KRT19: variants seen among roughly 807,000 people sequenced by gnomAD.
The protein encoded by KRT19 is keratin 19, also known as keratin, type I cytoskeletal 19.
Under a neutral mutation model 34.6 loss-of-function variants are expected in KRT19, and 21 were observed. The observed-to-expected ratio is 0.61, with a 90% CI of 0.43 to 0.87. The LOEUF (loss-of-function observed/expected upper bound fraction) is 0.87. KRT19 is among the 40% of genes least tolerant of loss of function. The probability of loss-of-function intolerance (pLI) is 0.00; values close to 1 mark genes in which losing one functional copy is unlikely to be tolerated. For synonymous variants in KRT19, 240 were observed against 245.8 expected (o/e 0.98, Z 0.22); for missense variants, 514 against 545.7 (o/e 0.94, Z 0.58).
Position 41,523,675 on chromosome 17 carries a change from C to T in KRT19, c.*68G>A. The T allele has an allele frequency of 6.6e-7, 1 of 1,522,582 alleles. No homozygotes were observed. The highest frequency in any genetic ancestry group is 9.0e-7 in the Non-Finnish European group (1 of 1,108,048). 94.3% of individuals were successfully genotyped at this position (1,522,582 alleles called of 1,614,324 possible). A position where few individuals can be genotyped will look rare whatever the true frequency, so the allele number is the denominator to read the frequency against. On this transcript the variant is annotated 3_prime_UTR_variant, in exon 6 of 6. Coordinates refer to ENST00000361566, the MANE Select transcript of KRT19 (RefSeq NM_002276.5). ...GGAGAAGAGCCGGGGGTAAGGGTCC[C>T]TTCCTTCCCATCCCTCTACCCAGAA...
chr17:41,524,946 A>C lies in KRT19; in HGVS notation c.557T>G (p.Leu186Arg), dbSNP rs1376336984. The C allele has an allele frequency of 6.2e-7, 1 of 1,614,230 alleles. No homozygotes were observed. The highest frequency in any genetic ancestry group is 1.1e-5 in the South Asian group (1 of 91,088). ...RMSVEADINGLRRVLDELTLA... is the reference protein window; with the variant it reads ...RMSVEADINGRRRVLDELTLA... ...GGTCAGCTCATCCAGCACCCTGCGCAGGCCGTTGATGTCGGCCTCCACGCT... is the reference window on the plus strand; with the variant it reads ...GGTCAGCTCATCCAGCACCCTGCGCCGGCCGTTGATGTCGGCCTCCACGCT... Residue 186 changes from leucine to arginine, a missense_variant, in exon 3 of 6, where the codon CTG (leucine) becomes CGG (arginine). Physicochemically the swap from Leu to Arg is moderately radical, Grantham distance 102. Transcript: ENST00000361566.
chr17:41,523,804 C>A lies in KRT19; in HGVS notation c.1142G>T (p.Arg381Leu). 1 of 1,613,838 alleles carries A rather than the reference C, an allele frequency of 6.2e-7. No homozygotes were observed. The highest frequency in any genetic ancestry group is 8.5e-7 in the Non-Finnish European group (1 of 1,179,940). Residue 381 changes from arginine (R) to leucine (L), a missense_variant, in exon 6 of 6, where the codon CGC (arginine) becomes CTC (leucine). Arg to Leu is a moderately radical substitution (Grantham distance 102, BLOSUM62 -2). Coordinates refer to ENST00000361566, the MANE Select transcript of KRT19 (RefSeq NM_002276.5). ...SRLEQEIATY[R>L]SLLEGQEDHY... ...ATCTTCCTGTCCCTCGAGCAGGCTG[C>A]GGTAGGTGGCAATCTCCTGCTCCAG...
Position 41,524,421 on chromosome 17 carries a change from G to T in KRT19, c.780C>A (p.Ala260=), listed in dbSNP as rs775818381. The change falls in exon 4 of 6, where the codon GCC becomes GCA. Residue 260 remains alanine, a synonymous_variant. Transcript: ENST00000361566. The stretch of plus-strand genomic sequence containing the variant: ...CTTCAGCATCCTTCCGGTTCTGCTC[G>T]GCCATGACCTCATATTGGCTTCGCA... ...SDMRSQYEVM[A]EQNRKDAEAW... 6.2e-7 allele frequency: 1 copy of T among 1,614,110 alleles called. No homozygotes were observed.
At chr17:41,525,089 G>C in intron 2 of KRT19, 90 bp from the exon 3 acceptor site, 4 of 1,580,108 alleles carry the variant, frequency 2.5e-6, no homozygotes, top group Non-Finnish European at 3.5e-6. Flanking sequence ...GTCCATAGGG[G>C]GGTTAGCTTC....
intron 2 of KRT19, 80 bp from the exon 3 acceptor site, chr17:41,525,079 G>A (rs1905813746): frequency 6.3e-7 from 1 of 1,583,492 alleles, no homozygotes; most frequent in South Asian, 1.1e-5. Context: ...GAGTTCAGGA[G>A]TCCATAGGGG....
intron 1 of KRT19, among the ~76,000 whole-genome samples, chr17:41,526,613 CGAGACT>C (rs1022140377): frequency 2.6e-5 from 3 of 113,982 alleles, no homozygotes; most frequent in African/African-American, 9.9e-5. Flanking sequence ...GCTCTGTGGC[CGAGACT>C]GAAGTGCAAT....
intron 1 of KRT19, chr17:41,525,485 A>T (rs1905831792): frequency 6.9e-5 from 33 of 476,094 alleles, no homozygotes; most frequent in Non-Finnish European, 8.9e-5. Flanking sequence ...AACTGGAGCC[A>T]GGGGGACTTG....
In KRT19 at chr17:41,525,287, G is replaced by A. The variant is rs780112005; in HGVS notation, c.421-14C>T. On this transcript the variant is annotated splice_polypyrimidine_tract_variant and intron_variant, in intron 1 of 5. Coordinates refer to ENST00000361566, the MANE Select transcript of KRT19 (RefSeq NM_002276.5). ...GGCACCAAGAATCTGGAAGGCAGAG[G>A]CAGAGGTTGGTACCAGTTCAACACA... 7.5e-6 allele frequency: 12 copies of A among 1,599,272 alleles called. No homozygotes were observed. The Admixed American group carries it at 8.3e-5, about 11-fold the overall frequency.
chr17:41,525,564 A>C, intron 1 of KRT19: 138 of 384,786 alleles, frequency 3.6e-4, no homozygotes, highest in Middle Eastern at 3.1e-3. Context: ...GAAACTCTAA[A>C]TGGCCTGAAG....
In KRT19 at chr17:41,523,975, A is replaced by T. The variant is rs371527453; in HGVS notation, c.971T>A (p.Leu324Gln). The T allele has an allele frequency of 3.7e-6, 6 of 1,611,872 alleles. No homozygotes were observed. The African/African-American group carries it at 8.0e-5, about 22-fold the overall frequency. Residue 324 changes from leucine to glutamine, a missense_variant, in exon 6 of 6, where the codon CTG becomes CAG. Leu to Gln is a moderately radical substitution (Grantham distance 113). Coordinates refer to ENST00000361566, the MANE Select transcript of KRT19 (RefSeq NM_002276.5). ...TCCAAAGCGCGCCTCCGTTTCTGCC[A>T]GTGTGTCTTCCAAGGCAGCTTTCTG... ...LSMKAALEDTLAETEARFGAQ... is the reference protein window; with the variant it reads ...LSMKAALEDTQAETEARFGAQ...
Position 41,523,943 on chromosome 17 carries a change from G to T in KRT19, c.1003C>A (p.Leu335Met). Reference sequence around the variant, plus strand: ...CTGATCAGCGCCTGGATATGCGCCAGCTGGGCTCCAAAGCGCGCCTCCGTT... The same window carrying T: ...CTGATCAGCGCCTGGATATGCGCCATCTGGGCTCCAAAGCGCGCCTCCGTT... ...AETEARFGAQLAHIQALISGI... is the reference protein window; with the variant it reads ...AETEARFGAQMAHIQALISGI... Residue 335 changes from leucine (L) to methionine (M), a missense_variant, in exon 6 of 6, where the codon CTG becomes ATG. Transcript: ENST00000361566. 1 of 1,613,718 alleles carries T rather than the reference G, an allele frequency of 6.2e-7. No individual in the cohort carries two copies. The highest frequency in any genetic ancestry group is 1.7e-4 in the Middle Eastern group (1 of 6,060).
chr17:41,527,794 G>A (rs1485582754), intron 1 of KRT19, 34 bp downstream of exon 1: 2 of 1,541,016 alleles, frequency 1.3e-6, no homozygotes, highest in Non-Finnish European at 1.7e-6. Flanking sequence ...CGCGGCAGGT[G>A]CACTGCACTT....
Position 41,523,917 on chromosome 17 carries a change from G to A in KRT19, c.1029C>T (p.Ser343=), listed in dbSNP as rs745308271. The change falls in exon 6 of 6, where the codon AGC becomes AGT. Residue 343 remains serine, a synonymous_variant. Transcript: ENST00000361566. The part of the protein sequence containing the change: ...AQLAHIQALI[S]GIEAQLGDVR... The stretch of plus-strand genomic sequence containing the variant: ...CATCGCCCAGCTGGGCTTCAATACC[G>A]CTGATCAGCGCCTGGATATGCGCCA... 18 of 1,613,924 alleles carry A rather than the reference G, an allele frequency of 1.1e-5. No individual in the cohort carries two copies. The highest frequency in any genetic ancestry group is 1.0e-5 in the Non-Finnish European group (12 of 1,180,036).
Position 41,523,716 on chromosome 17 carries a change from A to G in KRT19, c.*27T>C. On this transcript the variant is annotated 3_prime_UTR_variant, in exon 6 of 6. Transcript: ENST00000361566. Reference sequence around the variant, plus strand: ...CTACCCAGAAGACACCCTCCAAAGGACAGCAGAAGCCCCAGAGCCTGCTGC... The same window carrying G: ...CTACCCAGAAGACACCCTCCAAAGGGCAGCAGAAGCCCCAGAGCCTGCTGC... The G allele has an allele frequency of 6.2e-7, 1 of 1,610,788 alleles. No individual in the cohort carries two copies. The highest frequency in any genetic ancestry group is 8.5e-7 in the Non-Finnish European group (1 of 1,177,520).
chr17:41,526,292 T>C (rs886954298), intron 1 of KRT19, among the ~76,000 whole-genome samples: 1 of 151,968 alleles, frequency 6.6e-6, no homozygotes, highest in Non-Finnish European at 1.5e-5. Context: ...AGTTTTTTAA[T>C]GCAACAGAAT....
intron 5 of KRT19, 64 bp downstream of exon 5, chr17:41,524,079 C>G (rs1314828165): frequency 6.2e-7 from 1 of 1,600,496 alleles, no homozygotes; most frequent in Admixed American, 1.7e-5. Context: ...GCCAGGCTGC[C>G]CTAGGCTGCA....
Position 41,524,386 on chromosome 17 carries a change from G to T in KRT19, c.815C>A (p.Thr272Asn). The T allele has an allele frequency of 6.2e-7, 1 of 1,614,126 alleles. No individual in the cohort carries two copies. ...QNRKDAEAWFTSRTEELNREV... is the reference protein window; with the variant it reads ...QNRKDAEAWFNSRTEELNREV... The stretch of plus-strand genomic sequence containing the variant: ...CTGCTTCCCTCTACCTACCCGGCTG[G>T]TGAACCAGGCTTCAGCATCCTTCCG... The change falls in exon 4 of 6, where the codon ACC becomes AAC. Residue 272 changes from threonine to asparagine, a missense_variant. Thr to Asn is a moderately conservative substitution (Grantham distance 65). Coordinates refer to ENST00000361566, the MANE Select transcript of KRT19 (RefSeq NM_002276.5).
intron 1 of KRT19, among the ~76,000 whole-genome samples, chr17:41,526,453 T>A (rs1479541818): frequency 6.7e-6 from 1 of 149,378 alleles, no homozygotes; most frequent in African/African-American, 2.4e-5. Context: ...GTCGCAATTT[T>A]TTTTTTTTTT....
At chr17:41,524,648 G>A in intron 3 of KRT19, 108 bp from the exon 4 acceptor site, 2 of 1,344,382 alleles carry the variant, frequency 1.5e-6, no homozygotes, top group South Asian at 2.6e-5. Context: ...TTCAGGTGCA[G>A]GCCTAGTAAC....
Sources: gnomAD v4.1 joint callset for allele counts (sites outside exome capture counted in the v4.1 genomes callset) on GRCh38, gnomAD v4.1.1 for gene constraint, MANE v1.5 for transcripts, NCBI Gene and HGNC (gene_info 2026-07-23, HGNC 2026-07-21) for gene names.